The following LY75 variants were observed in gnomAD, a reference collection of about 807,000 sequenced individuals.
LY75 encodes the protein lymphocyte antigen 75.
Under a neutral mutation model 231.7 loss-of-function variants are expected in LY75, and 185 were observed. The observed-to-expected ratio is 0.80, with a 90% CI of 0.71 to 0.90. The LOEUF (loss-of-function observed/expected upper bound fraction) is 0.90. Among genes scored for constraint, LY75 ranks in the 40% least tolerant of loss-of-function variants. The pLI is 0.00. For synonymous variants in LY75, 668 were observed against 689.0 expected (o/e 0.97, Z 0.48); for missense variants, 1,947 against 2,050.2 (o/e 0.95, Z 0.97).
Position 159,815,390 on chromosome 2 carries a change from A to G in LY75, c.4549+15T>C, listed in dbSNP as rs1683094964. 3.8e-6 allele frequency: 6 copies of G among 1,578,814 alleles called. No individual in the cohort carries two copies. The South Asian group carries it at 7.0e-5, about 18-fold the overall frequency. On this transcript the variant is annotated intron_variant, in intron 31 of 34. Transcript: ENST00000263636. ...CATTTTCATAAATGTACTGTTACTGAAATTGAAGTCTTACATTTTGTAGGT... is the reference window on the plus strand; with the variant it reads ...CATTTTCATAAATGTACTGTTACTGGAATTGAAGTCTTACATTTTGTAGGT...
chr2:159,894,004 A>C lies in LY75; in HGVS notation c.547T>G (p.Cys183Gly). The C allele has an allele frequency of 6.2e-7, 1 of 1,613,992 alleles. No homozygotes were observed. Among genetic ancestry groups the C allele is most frequent in the Non-Finnish European group, 8.5e-7 (1 of 1,179,890 alleles). ...FLIDGTWHHD[C>G]ILDEDHSGPW... The stretch of plus-strand genomic sequence containing the variant: ...CCACTATGATCTTCATCAAGAATGC[A>C]ATCATGATGCCAGGTCCCATCAATT... The change falls in exon 3 of 35, where the codon TGC becomes GGC. Residue 183 changes from cysteine to glycine, a missense_variant. Coordinates refer to ENST00000263636, the MANE Select transcript of LY75 (RefSeq NM_002349.4).
chr2:159,817,785 C>T (rs531189763), intron 29 of LY75, among the ~76,000 whole-genome samples: 3 of 152,176 alleles, frequency 2.0e-5, no homozygotes, highest in East Asian at 3.9e-4. Flanking sequence ...CAGTGGCTCA[C>T]GCCTGTAATC....
chr2:159,850,791 T>TATATATATATATATATAAATATATATAA (rs1341394980), intron 21 of LY75, among the ~76,000 whole-genome samples: 1 of 94,510 alleles, frequency 1.1e-5, no homozygotes, highest in Non-Finnish European at 2.3e-5. Context: ...TATATATATA[T>TATATATATATATATATAAATATATATAA]ATATATATTA....
At chr2:159,880,976 T>A in intron 8 of LY75, 107 bp downstream of exon 8, 1 of 1,389,842 alleles carries the variant, frequency 7.2e-7, no homozygotes, top group Non-Finnish European at 9.7e-7. Flanking sequence ...AGAGTGCTCT[T>A]ACCTTTTATT....
intron 11 of LY75, among the ~76,000 whole-genome samples, chr2:159,877,856 G>A (rs1227218855): frequency 1.3e-5 from 2 of 152,120 alleles, no homozygotes; most frequent in Non-Finnish European, 2.9e-5. Flanking sequence ...GCAACAGAGT[G>A]AGACCCCATC....
intron 11 of LY75, 39 bp from the exon 12 acceptor site, chr2:159,875,682 G>C: frequency 6.2e-7 from 1 of 1,606,230 alleles, no homozygotes; most frequent in South Asian, 1.1e-5. Context: ...AAATTAAAAC[G>C]TTAAAGTTCA....
chr2:159,817,270 T>G (rs1001452497), intron 29 of LY75, among the ~76,000 whole-genome samples: 4 of 152,224 alleles, frequency 2.6e-5, no homozygotes, highest in African/African-American at 9.7e-5. Flanking sequence ...AGCTCATATA[T>G]TAGTTGGAGA....
At position 159,854,400 on chromosome 2, in the gene LY75, G is replaced by T. The variant is rs371724686; in HGVS notation, c.2555C>A (p.Ser852Tyr). 3.7e-5 allele frequency: 57 copies of T among 1,528,484 alleles called. No homozygotes were observed. The highest frequency in any genetic ancestry group is 4.9e-5 in the Non-Finnish European group (55 of 1,130,018). 94.7% of individuals were successfully genotyped at this position (1,528,484 alleles called of 1,614,324 possible). Residue 852 changes from serine (S) to tyrosine (Y), a missense_variant, in exon 18 of 35, where the codon TCT becomes TAT. Physicochemically the swap from Ser to Tyr is moderately radical, Grantham distance 144. Coordinates refer to ENST00000263636, the MANE Select transcript of LY75 (RefSeq NM_002349.4). ...SNHSFLATIT[S>Y]FVGLKAIKNK... The stretch of plus-strand genomic sequence containing the variant: ...TTTGATGGCTTTTAGTCCCACAAAA[G>T]ATGTTATAGTTGCAAGAAAGCTGTG...
chr2:159,838,059 T>C (rs1683886615), intron 25 of LY75, among the ~76,000 whole-genome samples: 1 of 152,224 alleles, frequency 6.6e-6, no homozygotes, highest in South Asian at 2.1e-4. Flanking sequence ...TCAGACACTG[T>C]AAACGCCAAC....
At chr2:159,858,276 G>T in intron 16 of LY75, 86 bp downstream of exon 16, 1 of 1,500,876 alleles carries the variant, frequency 6.7e-7, no homozygotes. Flanking sequence ...CAGAATTATA[G>T]ATCAAAATGC....
chr2:159,842,203 A>C lies in LY75; in HGVS notation c.3280+42T>G, dbSNP rs752087947. ...TCTCTCTCTCTATATATATATATGT[A>C]ATAGCATAAAGTACCATAGTTATCT... On this transcript the variant is annotated intron_variant, in intron 24 of 34. Coordinates refer to ENST00000263636, the MANE Select transcript of LY75 (RefSeq NM_002349.4). 1.3e-5 allele frequency: 21 copies of C among 1,586,070 alleles called. No individual in the cohort carries two copies. In the Admixed American group the frequency reaches 1.5e-4, roughly 12 times the overall value.
intron 8 of LY75, 59 bp downstream of exon 8, chr2:159,881,024 T>C: frequency 6.4e-7 from 1 of 1,567,108 alleles, no homozygotes; most frequent in Non-Finnish European, 8.6e-7. Flanking sequence ...CAAAGAAGTC[T>C]TAATATTATC....
chr2:159,834,884 C>G (rs1426825013), intron 26 of LY75, among the ~76,000 whole-genome samples: 1 of 152,156 alleles, frequency 6.6e-6, no homozygotes, highest in East Asian at 1.9e-4. Flanking sequence ...TTCTTTCTAC[C>G]ACAGACCCAC....
At chr2:159,854,768 C>T (rs1684501702) in intron 17 of LY75, 136 bp downstream of exon 17, 2 of 1,341,872 alleles carry the variant, frequency 1.5e-6, no homozygotes, top group Non-Finnish European at 1.0e-6. Flanking sequence ...ATACCAGTCG[C>T]TCACCTTCCT....
In LY75 at chr2:159,834,039, C is replaced by G. The variant is rs1574540816; in HGVS notation, c.3841+5G>C. On this transcript the variant is annotated splice_donor_5th_base_variant and intron_variant, in intron 27 of 34. Transcript: ENST00000263636. ...AACATGAGAATGGACTAATATAATA[C>G]TTACTCAGTTTCTGGCATTTAGTAT... is the stretch of plus-strand genomic sequence containing the variant. 3.7e-6 allele frequency: 6 copies of G among 1,612,700 alleles called. No individual in the cohort carries two copies. In the East Asian group the frequency reaches 1.3e-4, roughly 36 times the overall value.
intron 9 of LY75, 70 bp from the exon 10 acceptor site, chr2:159,878,791 T>C (rs1348793903): frequency 6.6e-7 from 1 of 1,522,294 alleles, no homozygotes; most frequent in East Asian, 2.3e-5. Flanking sequence ...CAAGCATGTT[T>C]CTGCTACATT....
intron 16 of LY75, among the ~76,000 whole-genome samples, chr2:159,857,408 G>A (rs972381422): frequency 2.6e-5 from 4 of 152,138 alleles, no homozygotes; most frequent in African/African-American, 9.7e-5. Flanking sequence ...CCTTCTATGG[G>A]TTTTCTGCTA....
intron 4 of LY75, among the ~76,000 whole-genome samples, chr2:159,888,119 AAG>A (rs1685647732): frequency 6.6e-6 from 1 of 152,192 alleles, no homozygotes; most frequent in South Asian, 2.1e-4. Context: ...AGCTACAAGT[AAG>A]AAAGGAGGTC....
rs780312797 is a variant in LY75, at chr2:159,815,485, A to G, written c.4469T>C (p.Leu1490Pro). Residue 1490 changes from leucine to proline, a missense_variant, in exon 31 of 35, where the codon CTC (leucine) becomes CCC (proline). By Grantham distance (98) the Leu-to-Pro change is moderately conservative. Coordinates refer to ENST00000263636, the MANE Select transcript of LY75 (RefSeq NM_002349.4). Reference protein sequence around the residue: ...KGQTSPGNCVLLDPKGTWKHE... With the variant: ...KGQTSPGNCVPLDPKGTWKHE... ...TTTCCAAGTTCCTTTTGGATCCAAG[A>G]GAACACAATTTCCAGGAGATGTTTG... 22 of 1,613,846 alleles carry G rather than the reference A, an allele frequency of 1.4e-5. No homozygotes were observed. In the Admixed American group the frequency reaches 3.3e-4, roughly 24 times the overall value.
Sources: allele counts gnomAD v4.1 joint callset (sites outside exome capture counted in the v4.1 genomes callset), GRCh38; gene constraint gnomAD v4.1.1; transcripts MANE v1.5; gene names NCBI Gene and HGNC (gene_info 2026-07-23, HGNC 2026-07-21).